The following PXK variants were observed in gnomAD, a reference collection of about 807,000 sequenced individuals.
PXK encodes PX domain containing serine/threonine kinase like, also known as PX domain-containing protein kinase-like protein.
In PXK, 35 loss-of-function variants were observed where a neutral mutation model predicts 84.7. The observed-to-expected ratio is 0.41, with a 90% CI of 0.32 to 0.55. The LOEUF (loss-of-function observed/expected upper bound fraction) is 0.55, where lower values mean the gene tolerates loss of function less well. PXK is among the 20% of genes least tolerant of loss of function. The pLI is 0.21. For synonymous variants in PXK, 253 were observed against 260.8 expected (o/e 0.97, Z 0.29); for missense variants, 634 against 699.7 (o/e 0.91, Z 1.06).
intron 1 of PXK, among the ~76,000 whole-genome samples, chr3:58,355,947 C>G (rs2098068969): frequency 6.6e-6 from 1 of 152,314 alleles, no homozygotes; most frequent in Non-Finnish European, 1.5e-5. Context: ...AGCTATGCCA[C>G]CTTGGATAGC....
intron 4 of PXK, among the ~76,000 whole-genome samples, chr3:58,386,181 T>A (rs1029291481): frequency 6.6e-6 from 1 of 152,060 alleles, no homozygotes; most frequent in Non-Finnish European, 1.5e-5. Flanking sequence ...AGGTGTTCAT[T>A]TGAATTAGAA....
intron 7 of PXK, among the ~76,000 whole-genome samples, chr3:58,394,464 C>T (rs1201300372): frequency 6.6e-6 from 1 of 152,156 alleles, no homozygotes; most frequent in Non-Finnish European, 1.5e-5. Context: ...GTGGAAAGGG[C>T]TGAGATTCCA....
chr3:58,363,301 T>C (rs2098219210), intron 1 of PXK, among the ~76,000 whole-genome samples: 1 of 152,170 alleles, frequency 6.6e-6, no homozygotes. Context: ...ACAACTGATA[T>C]TTGTATACTT....
At chr3:58,413,088 T>G in intron 17 of PXK, 125 bp downstream of exon 17, 2 of 971,020 alleles carry the variant, frequency 2.1e-6, no homozygotes, top group Non-Finnish European at 1.6e-6. Flanking sequence ...TCAAGAGAAA[T>G]CAGTGGGAGT....
chr3:58,403,329 A>G (rs1157005479), intron 12 of PXK, among the ~76,000 whole-genome samples: 4 of 152,124 alleles, frequency 2.6e-5, no homozygotes, highest in African/African-American at 9.7e-5. Flanking sequence ...TGAAGAGAGA[A>G]TTGATTTACT....
intron 3 of PXK, among the ~76,000 whole-genome samples, chr3:58,380,084 A>G (rs2098483501): frequency 6.6e-6 from 1 of 152,172 alleles, no homozygotes; most frequent in Non-Finnish European, 1.5e-5. Context: ...AGCAGAAGGC[A>G]TGGAGGGGAA....
At chr3:58,424,653 G>A (rs1463874301) in intron 17 of PXK, 99 bp from the exon 18 acceptor site, 14 of 1,468,804 alleles carry the variant, frequency 9.5e-6, no homozygotes, top group Non-Finnish European at 1.2e-5. Context: ...AGAAAAACAT[G>A]TGGACTCTCA....
chr3:58,339,228 GT>G (rs1170206126), intron 1 of PXK, among the ~76,000 whole-genome samples: 5 of 112,310 alleles, frequency 4.5e-5, no homozygotes, highest in Admixed American at 8.1e-5. Context: ...GTTTTTTTTT[GT>G]TTTTTTTTGT....
In PXK at chr3:58,336,340, A is replaced by G. The variant is rs541036773; in HGVS notation, c.102+3250A>G. Among the ~76,000 whole-genome samples the G allele has an allele frequency of 1.5e-4, 23 of 152,234 alleles. 1 individual carries two copies. In the South Asian group the frequency reaches 4.3e-3, roughly 29 times the overall value. ...GTCACCACCAGAAAGGCATATTTGG[A>G]TGAGCAACTGGCAGAAAGGACATGT... On this transcript the variant is annotated intron_variant, in intron 1 of 17. Coordinates refer to ENST00000356151, the MANE Select transcript of PXK (RefSeq NM_017771.5).
At chr3:58,392,161 G>A (rs6787467) in intron 7 of PXK, among the ~76,000 whole-genome samples, 51,473 of 151,902 alleles carry the variant, frequency 0.34, 9,696 homozygotes, top group East Asian at 0.79. Context: ...GGAACTGAAA[G>A]ATACTCTTTC....
chr3:58,375,713 T>C (rs1296681168), intron 3 of PXK, among the ~76,000 whole-genome samples: 1 of 152,186 alleles, frequency 6.6e-6, no homozygotes. Flanking sequence ...ATAGTCCCCA[T>C]GTGAGTGTGG....
At chr3:58,344,260 G>A (rs73835187) in intron 1 of PXK, among the ~76,000 whole-genome samples, 6,974 of 152,246 alleles carry the variant, frequency 0.046, 562 homozygotes, top group African/African-American at 0.16. Context: ...GAGCACTGGC[G>A]TACTACTTAG....
At chr3:58,334,571 C>A (rs34676912) in intron 1 of PXK, among the ~76,000 whole-genome samples, 19,051 of 152,164 alleles carry the variant, frequency 0.13, 1,652 homozygotes, top group African/African-American at 0.23. Flanking sequence ...ATAGATGTTT[C>A]TAAATACTCA....
rs752909876 is a variant in PXK at position 58,424,957 on chromosome 3, C to G, written c.1734C>G (p.Gly578=). 14 of 1,613,936 alleles carry G rather than the reference C, an allele frequency of 8.7e-6. No individual in the cohort carries two copies. The East Asian group carries it at 3.1e-4, about 36-fold the overall frequency. The change falls in exon 18 of 18, where the codon GGC becomes GGG. Residue 578 remains glycine (G), a synonymous_variant. Coordinates refer to ENST00000356151, the MANE Select transcript of PXK (RefSeq NM_017771.5). ...GTGATCACAGTGCTCCGAAGATCGG[C>G]TGAAGCTTCCTGTTTACACTTGGAG... ...KTCDHSAPKI[G]
intron 8 of PXK, 113 bp from the exon 9 acceptor site, chr3:58,395,545 C>A: frequency 2.7e-6 from 2 of 739,232 alleles, no homozygotes; most frequent in Non-Finnish European, 4.6e-6. Context: ...CATCTTGCAG[C>A]TGGCCATCTC....
chr3:58,407,796 A>T lies in PXK; in HGVS notation c.1231-1128A>T, dbSNP rs1052712678. On this transcript the variant is annotated intron_variant, in intron 13 of 17. Transcript: ENST00000356151. This position sits in a 1 kb window ranked among gnomAD's most constrained non-coding sequence, Gnocchi z 4.3. The stretch of plus-strand genomic sequence containing the variant: ...GGTCTTGAACTTCTGACCTCAAGTG[A>T]TCCACCCACCTCAGCCTCCCAAAGT... Among the ~76,000 whole-genome samples the T allele has an allele frequency of 6.6e-6, 1 of 152,190 alleles. No individual in the cohort carries two copies. The highest frequency in any genetic ancestry group is 1.5e-5 in the Non-Finnish European group (1 of 68,034).
In PXK at chr3:58,425,001, TC is replaced by T. The variant is rs759597575; in HGVS notation, c.*43del. The T allele has an allele frequency of 1.2e-6, 2 of 1,608,228 alleles. No individual in the cohort carries two copies. Among genetic ancestry groups the T allele is most frequent in the African/African-American group, 2.7e-5 (2 of 74,936 alleles). On this transcript the variant is annotated 3_prime_UTR_variant, in exon 18 of 18. Coordinates refer to ENST00000356151, the MANE Select transcript of PXK (RefSeq NM_017771.5). ...CTTGGAGGGAAAAGTTCTTTTTTAT[TC>T]CTACTCACCCCTACCCCCCAAACTA...
chr3:58,341,268 T>C (rs936883134), intron 1 of PXK, among the ~76,000 whole-genome samples: 5 of 152,108 alleles, frequency 3.3e-5, no homozygotes, highest in African/African-American at 7.2e-5. Context: ...AGTTAAAATA[T>C]CAAGTGTTTT....
At chr3:58,384,120 A>G (rs2098530445) in intron 4 of PXK, among the ~76,000 whole-genome samples, 1 of 152,190 alleles carries the variant, frequency 6.6e-6, no homozygotes, top group Non-Finnish European at 1.5e-5. Context: ...AAGTGATTCC[A>G]ATATGGAGCC....
Sources: gnomAD v4.1 joint callset for allele counts (sites outside exome capture counted in the v4.1 genomes callset) on GRCh38, gnomAD v4.1.1 for gene constraint, Gnocchi (gnomAD v3.1) non-coding constraint, MANE v1.5 for transcripts, NCBI Gene and HGNC (gene_info 2026-07-23, HGNC 2026-07-21) for gene names.